Variants in SLC9A7 observed in about 807,000 individuals in gnomAD.
The protein encoded by SLC9A7 is sodium/hydrogen exchanger 7.
Under a neutral mutation model 52.6 loss-of-function variants are expected in SLC9A7, and 19 were observed. That is an observed-to-expected ratio of 0.36 (90% CI 0.25 to 0.53). The LOEUF (loss-of-function observed/expected upper bound fraction) is 0.53, where lower values mean the gene tolerates loss of function less well. SLC9A7 is among the 20% of genes least tolerant of loss of function. The probability of loss-of-function intolerance (pLI) is 0.91; values close to 1 mark genes in which losing one functional copy is unlikely to be tolerated. For synonymous variants in SLC9A7, 226 were observed against 252.1 expected, an observed-to-expected ratio of 0.90 and a Z score of 0.98; for missense variants, 455 against 597.9, an observed-to-expected ratio of 0.76 and a Z score of 2.49.
intron 7 of SLC9A7, among the ~76,000 whole-genome samples, chrX:46,656,218 C>A (rs1417489387): frequency 9.0e-6 from 1 of 111,324 alleles, no homozygotes; most frequent in Non-Finnish European, 1.9e-5. Flanking sequence ...AAAAACCCAT[C>A]TGTACATCAC....
Position 46,622,853 on chromosome X carries a change from C to T in SLC9A7, c.1741-1794G>A, listed in dbSNP as rs1397190169. On this transcript the variant is annotated intron_variant, in intron 14 of 16. Transcript: ENST00000616978. ...ACTAACAAAAGGTCTTCTCAGGCTA[C>T]GGAAAGATATGCCTGCAATCCATGA... Among the ~76,000 whole-genome samples the T allele has an allele frequency of 6.2e-5, 7 of 112,051 alleles. No individual in the cohort carries two copies. In the Admixed American group the frequency reaches 6.6e-4, roughly 11 times the overall value.
intron 13 of SLC9A7, among the ~76,000 whole-genome samples, chrX:46,635,172 C>A (rs1226225420): frequency 8.9e-6 from 1 of 111,970 alleles, no homozygotes; most frequent in Non-Finnish European, 1.9e-5. Context: ...GTAAGCCTTA[C>A]CCCAGTCATG....
chrX:46,633,364 A>C (rs1193100852), intron 13 of SLC9A7, among the ~76,000 whole-genome samples: 19 of 95,944 alleles, frequency 2.0e-4, no homozygotes, highest in African/African-American at 7.2e-4. Flanking sequence ...AAAAAAAAAA[A>C]AAAAAAAAAA....
intron 14 of SLC9A7, among the ~76,000 whole-genome samples, chrX:46,625,904 G>A (rs1233347066): frequency 1.8e-5 from 2 of 111,677 alleles, no homozygotes; most frequent in East Asian, 5.6e-4. Flanking sequence ...GAGCCTGGAA[G>A]TGGCTTCTCC....
At chrX:46,742,039 A>G (rs1349487838) in intron 1 of SLC9A7, among the ~76,000 whole-genome samples, 1 of 111,812 alleles carries the variant, frequency 8.9e-6, no homozygotes, top group Non-Finnish European at 1.9e-5. Context: ...AAATATATTC[A>G]ACATTAGGGA....
rs2146654095 is a variant in SLC9A7 at position 46,603,169 on chromosome X, G to T, written c.*3783C>A. 9.0e-6 allele frequency: 1 copy of T among 110,860 alleles called. No individual in the cohort carries two copies. Among genetic ancestry groups the T allele is most frequent in the African/African-American group, 3.3e-5 (1 of 30,532 alleles). 9.1% of individuals were successfully genotyped at this position (110,860 alleles called of 1,213,427 possible). A position where few individuals can be genotyped will look rare whatever the true frequency, so the allele number is the denominator to read the frequency against. ...TCTGGGCCCTCTCTTCCCTGGGTAG[G>T]ACTTCTGGGTGGGCCTCCTGCCCTA... On this transcript the variant is annotated 3_prime_UTR_variant, in exon 17 of 17. Coordinates refer to ENST00000616978, the MANE Select transcript of SLC9A7 (RefSeq NM_001257291.2).
Position 46,759,021 on chromosome X carries a change from A to T in SLC9A7, c.9T>A (p.Pro3=). The T allele has an allele frequency of 2.1e-6, 2 of 958,565 alleles. No homozygotes were observed. The highest frequency in any genetic ancestry group is 2.6e-6 in the Non-Finnish European group (2 of 772,197). The allele number at this position is 958,565 out of a possible 1,213,427, so 79.0% of individuals were successfully genotyped here. A position where few individuals can be genotyped will look rare whatever the true frequency, so the allele number is the denominator to read the frequency against. ME[P]GDAARPGSGR... ...CCGAGCCAGGGCGCGCCGCGTCACC[A>T]GGCTCCATGGTCCCGGGGCCCCCCG... The change falls in exon 1 of 17, where the codon CCT becomes CCA. Residue 3 remains proline (P), a synonymous_variant. Transcript: ENST00000616978.
At chrX:46,708,502 C>T (rs1944638970) in intron 1 of SLC9A7, among the ~76,000 whole-genome samples, 1 of 110,018 alleles carries the variant, frequency 9.1e-6, no homozygotes, top group African/African-American at 3.3e-5. Context: ...TGCACTCCAG[C>T]CTGGGCGACA....
At chrX:46,644,100 T>C (rs1371874973) in intron 11 of SLC9A7, among the ~76,000 whole-genome samples, 1 of 112,358 alleles carries the variant, frequency 8.9e-6, no homozygotes, top group Non-Finnish European at 1.9e-5. Flanking sequence ...TAACTGTTGT[T>C]TCAAAGTCAG....
intron 1 of SLC9A7, among the ~76,000 whole-genome samples, chrX:46,720,692 T>C (rs1053401276): frequency 3.6e-5 from 4 of 111,083 alleles, no homozygotes; most frequent in African/African-American, 1.3e-4. Context: ...CATATTCAAC[T>C]CCTCAGAATT....
chrX:46,629,516 A>G (rs1306890146), intron 14 of SLC9A7, among the ~76,000 whole-genome samples: 1 of 112,160 alleles, frequency 8.9e-6, no homozygotes, highest in Non-Finnish European at 1.9e-5. Flanking sequence ...AGTAAGTTCT[A>G]CTACATGACC....
intron 13 of SLC9A7, among the ~76,000 whole-genome samples, chrX:46,634,415 G>C (rs1943284587): frequency 9.0e-6 from 1 of 110,551 alleles, no homozygotes; most frequent in African/African-American, 3.3e-5. Flanking sequence ...TAAAATCTCG[G>C]AAAGTTTAGA....
At chrX:46,723,821 C>T (rs965053833) in intron 1 of SLC9A7, among the ~76,000 whole-genome samples, 1 of 112,313 alleles carries the variant, frequency 8.9e-6, no homozygotes, top group African/African-American at 3.2e-5. Flanking sequence ...GGCACAGTGG[C>T]TGACGCCTGT....
intron 11 of SLC9A7, among the ~76,000 whole-genome samples, chrX:46,646,055 TG>T: frequency 8.9e-6 from 1 of 112,249 alleles, no homozygotes; most frequent in Admixed American, 9.4e-5. Context: ...CCAGCCCCTT[TG>T]GGGTCAGGGA....
chrX:46,666,973 T>C (rs1438715771), intron 5 of SLC9A7, among the ~76,000 whole-genome samples: 1 of 111,970 alleles, frequency 8.9e-6, no homozygotes, highest in African/African-American at 3.2e-5. Flanking sequence ...ATAAAGCTGA[T>C]TTTCAGAGTT....
At chrX:46,739,256 T>C (rs751891404) in intron 1 of SLC9A7, among the ~76,000 whole-genome samples, 7 of 111,588 alleles carry the variant, frequency 6.3e-5, no homozygotes, top group African/African-American at 2.3e-4. Flanking sequence ...GTGACAGACA[T>C]ATTAGTTCTT....
chrX:46,712,305 G>A (rs1226461463), intron 1 of SLC9A7, among the ~76,000 whole-genome samples: 4 of 111,258 alleles, frequency 3.6e-5, no homozygotes, highest in African/African-American at 1.3e-4. Context: ...TCTCTGAGGC[G>A]GGCCTCAGGC....
intron 1 of SLC9A7, among the ~76,000 whole-genome samples, chrX:46,724,909 GC>G (rs1944918697): frequency 9.0e-6 from 1 of 111,263 alleles, no homozygotes; most frequent in Non-Finnish European, 1.9e-5. Flanking sequence ...AGTCATACAA[GC>G]CAAAGATACC....
At chrX:46,758,668 G>A (rs781996987) in intron 1 of SLC9A7, 37 bp downstream of exon 1, 6 of 994,613 alleles carry the variant, frequency 6.0e-6, no homozygotes, top group Middle Eastern at 3.0e-4. Context: ...GGCGGCCGAG[G>A]GGTGTGGAGG....
Sources: gnomAD v4.1 joint callset for allele counts (sites outside exome capture counted in the v4.1 genomes callset) on GRCh38, gnomAD v4.1.1 for gene constraint, MANE v1.5 for transcripts, NCBI Gene and HGNC (gene_info 2026-07-23, HGNC 2026-07-21) for gene names.